The following RBFOX1 variants were observed in gnomAD, a reference collection of about 807,000 sequenced individuals.
RBFOX1 encodes RNA binding fox-1 homolog 1, also known as RNA binding protein fox-1 homolog 1.
In RBFOX1, 8 loss-of-function variants were observed where a neutral mutation model predicts 57.7. That is an observed-to-expected ratio of 0.14 (90% CI 0.08 to 0.25). The LOEUF is 0.25. RBFOX1 is among the 10% of genes least tolerant of loss of function. The pLI, the probability that RBFOX1 is intolerant of heterozygous loss-of-function variation, is 1.00. For synonymous variants in RBFOX1, 326 were observed against 222.4 expected, an observed-to-expected ratio of 1.47 and a Z score of -4.15; for missense variants, 611 against 548.5, an observed-to-expected ratio of 1.11 and a Z score of -1.14.
rs183505518 is a variant in RBFOX1, at chr16:6,731,836, A to G, written c.-16+77186A>G. On this transcript the variant is annotated intron_variant, in intron 3 of 15. Coordinates refer to ENST00000550418, the MANE Select transcript of RBFOX1 (RefSeq NM_018723.4). ...CCTTCCAAAATGAACAACGTTTTCT[A>G]AAATCCTTGGCTCATTGTCTGCCTC... 4.0e-3 allele frequency among the ~76,000 whole-genome samples: 611 copies of G among 152,266 alleles called. 2 individuals are homozygous for G. The highest frequency in any genetic ancestry group is 0.01 in the Middle Eastern group (3 of 294).
chr16:5,918,227 C>T (rs370667113), intron 4 of RBFOX1, among the ~76,000 whole-genome samples: 4 of 152,198 alleles, frequency 2.6e-5, no homozygotes, highest in Non-Finnish European at 4.4e-5. Flanking sequence ...TCAAGTGATT[C>T]TCCTGCCTCA....
At chr16:6,780,572 TTATA>T (rs1454680356) in intron 3 of RBFOX1, among the ~76,000 whole-genome samples, 3 of 126,088 alleles carry the variant, frequency 2.4e-5, no homozygotes, top group South Asian at 2.4e-4. Context: ...TTATATATAT[TTATA>T]TATATATTTA....
At chr16:7,517,721 G>C (rs2076671788) in intron 4 of RBFOX1, among the ~76,000 whole-genome samples, 1 of 151,624 alleles carries the variant, frequency 6.6e-6, no homozygotes, top group Non-Finnish European at 1.5e-5. Context: ...GTTCAATTTA[G>C]TCTCTCTTGG....
chr16:7,121,261 C>T (rs142518213), intron 4 of RBFOX1, among the ~76,000 whole-genome samples: 25 of 152,112 alleles, frequency 1.6e-4, no homozygotes, highest in African/African-American at 5.8e-4. Flanking sequence ...AAATCTTACT[C>T]ACTACAATAA....
intron 1 of RBFOX1, among the ~76,000 whole-genome samples, chr16:6,072,019 A>G (rs2095843720): frequency 1.3e-5 from 2 of 152,174 alleles, no homozygotes; most frequent in Admixed American, 6.5e-5. Flanking sequence ...CATACCCAAG[A>G]CTGGGTAACT....
intron 4 of RBFOX1, among the ~76,000 whole-genome samples, chr16:7,409,602 G>A (rs1483629619): frequency 6.6e-6 from 1 of 152,166 alleles, no homozygotes; most frequent in East Asian, 1.9e-4. Flanking sequence ...TACATATTAC[G>A]TTCGTTTGGA....
chr16:7,277,324 A>G (rs2095459858), intron 4 of RBFOX1, among the ~76,000 whole-genome samples: 1 of 152,192 alleles, frequency 6.6e-6, no homozygotes, highest in Admixed American at 6.5e-5. Flanking sequence ...CTCAGGGAAG[A>G]TCCAATGTGG....
intron 3 of RBFOX1, among the ~76,000 whole-genome samples, chr16:5,860,020 A>G (rs993865062): frequency 6.6e-6 from 1 of 152,192 alleles, no homozygotes; most frequent in South Asian, 2.1e-4. Context: ...AGGATAGTCA[A>G]AATTCTGACA....
chr16:6,991,935 A>G (rs533512398), intron 3 of RBFOX1, among the ~76,000 whole-genome samples: 12 of 152,292 alleles, frequency 7.9e-5, no homozygotes, highest in East Asian at 5.8e-4. Context: ...GATTCAATCA[A>G]TAGGGTGGTG....
Position 6,718,215 on chromosome 16 carries a change from C to A in RBFOX1, c.-16+63565C>A, listed in dbSNP as rs979018640. 4.6e-5 allele frequency among the ~76,000 whole-genome samples: 7 copies of A among 152,242 alleles called. No homozygotes were observed. In the South Asian group the frequency reaches 1.5e-3, roughly 32 times the overall value. On this transcript the variant is annotated intron_variant, in intron 3 of 15. Transcript: ENST00000550418. ...AACTCACAACATGAAATAATAACAG[C>A]AATTAATGTTTATATATTGGTCTTT...
At chr16:6,685,442 A>ATTTTTTTTTTTTT (rs71145275) in intron 3 of RBFOX1, among the ~76,000 whole-genome samples, 1 of 125,672 alleles carries the variant, frequency 8.0e-6, no homozygotes. Context: ...TACCCAGCTA[A>ATTTTTTTTTTTTT]TTTTTTTTTT....
chr16:6,753,129 G>A (rs9928276), intron 3 of RBFOX1, among the ~76,000 whole-genome samples: 2,421 of 152,240 alleles, frequency 0.016, 63 homozygotes, highest in African/African-American at 0.056. Context: ...ACTGAAACTT[G>A]TAGGGGGTAT....
At chr16:5,297,167 C>G (rs921420124) in intron 1 of RBFOX1, among the ~76,000 whole-genome samples, 10 of 152,092 alleles carry the variant, frequency 6.6e-5, no homozygotes, top group African/African-American at 2.4e-4. Flanking sequence ...TTGATGGATA[C>G]TTAGGTTGAT....
intron 1 of RBFOX1, among the ~76,000 whole-genome samples, chr16:5,308,105 T>C (rs187055482): frequency 2.6e-4 from 40 of 152,224 alleles, no homozygotes; most frequent in African/African-American, 8.9e-4. Context: ...TTTGGGAGGC[T>C]GAGGTGGGCG....
chr16:6,796,755 A>C (rs551360103), intron 3 of RBFOX1, among the ~76,000 whole-genome samples: 1 of 152,306 alleles, frequency 6.6e-6, no homozygotes, highest in Admixed American at 6.5e-5. Context: ...CGCCCCATGA[A>C]GATGGGCCTA....
intron 2 of RBFOX1, among the ~76,000 whole-genome samples, chr16:6,492,672 G>A (rs1400625049): frequency 2.0e-5 from 3 of 152,122 alleles, no homozygotes; most frequent in Non-Finnish European, 4.4e-5. Flanking sequence ...TGAAGATGCA[G>A]CTTGGTTCAC....
At chr16:6,919,572 T>C (rs2074000685) in intron 3 of RBFOX1, among the ~76,000 whole-genome samples, 1 of 152,072 alleles carries the variant, frequency 6.6e-6, no homozygotes, top group African/African-American at 2.4e-5. Flanking sequence ...CCACTTCCTA[T>C]GGCTTGAAAT....
chr16:6,185,443 C>T (rs983667484), intron 1 of RBFOX1, among the ~76,000 whole-genome samples: 1 of 152,196 alleles, frequency 6.6e-6, no homozygotes, highest in African/African-American at 2.4e-5. Context: ...AACCGAAGTT[C>T]AGAGGGGTTA....
At chr16:6,372,720 G>C (rs1239894086) in intron 2 of RBFOX1, among the ~76,000 whole-genome samples, 1 of 152,054 alleles carries the variant, frequency 6.6e-6, no homozygotes, top group African/African-American at 2.4e-5. Flanking sequence ...GGGTGGAATG[G>C]AGATTGGGTG....
Sources: gnomAD v4.1 joint callset for allele counts (sites outside exome capture counted in the v4.1 genomes callset) on GRCh38, gnomAD v4.1.1 for gene constraint, MANE v1.5 for transcripts, NCBI Gene and HGNC (gene_info 2026-07-23, HGNC 2026-07-21) for gene names.